Variants in ORC3 observed in about 807,000 individuals in gnomAD.
The protein encoded by ORC3 is origin recognition complex subunit 3.
A neutral mutation model predicts 100.7 loss-of-function variants in ORC3; 78 were observed. The observed-to-expected ratio is 0.77, with a 90% CI of 0.65 to 0.94. The LOEUF is 0.94. Among genes scored for constraint, ORC3 ranks in the 40% least tolerant of loss-of-function variants. The pLI, the probability that ORC3 is intolerant of heterozygous loss-of-function variation, is 0.00. For missense variants in ORC3, 789 were observed against 823.9 expected (o/e 0.96, Z 0.52); for synonymous variants, 295 against 289.3 (o/e 1.02, Z -0.20).
intron 10 of ORC3, 56 bp downstream of exon 10, chr6:87,621,543 A>G (rs1156610163): frequency 3.5e-6 from 4 of 1,156,726 alleles, no homozygotes; most frequent in African/African-American, 1.6e-5. Context: ...GTACTAAATA[A>G]GAGATCTCAG....
downstream of ORC3, among the ~76,000 whole-genome samples, chr6:87,671,943 C>T (rs1191711102): frequency 6.6e-6 from 1 of 152,140 alleles, no homozygotes; most frequent in Non-Finnish European, 1.5e-5. Flanking sequence ...CTTGCGAAAA[C>T]TTTAGACCTT....
At chr6:87,595,431 T>A (rs1340980913) in intron 2 of ORC3, 4 of 152,264 alleles carry the variant, frequency 2.6e-5, no homozygotes. Context: ...ATTTGTGTTA[T>A]TATGGATTGT....
At chr6:87,640,236 A>G (rs1328052790) in intron 13 of ORC3, among the ~76,000 whole-genome samples, 1 of 152,230 alleles carries the variant, frequency 6.6e-6, no homozygotes. Flanking sequence ...CTACTTGAAG[A>G]AATATCTGGT....
intron 2 of ORC3, among the ~76,000 whole-genome samples, chr6:87,599,354 A>ATTTAT (rs140590339): frequency 5.5e-5 from 8 of 145,166 alleles, no homozygotes; most frequent in South Asian, 2.2e-4. Context: ...TCTTTTTTTT[A>ATTTAT]TTATTTATTT....
intron 4 of ORC3, among the ~76,000 whole-genome samples, chr6:87,603,909 A>G (rs935818296): frequency 1.3e-5 from 2 of 152,160 alleles, no homozygotes; most frequent in African/African-American, 4.8e-5. Flanking sequence ...TCGTATCTTC[A>G]ATGGAATTAC....
At chr6:87,663,909 T>C (rs747117887) in intron 17 of ORC3, among the ~76,000 whole-genome samples, 9 of 152,130 alleles carry the variant, frequency 5.9e-5, no homozygotes, top group Non-Finnish European at 7.4e-5. Flanking sequence ...AGCATTCCAG[T>C]GTACTGGCTT....
rs1486340209 is a variant in ORC3, at chr6:87,636,469, A to G, written c.1365A>G (p.Ser455=). The change falls in exon 13 of 20, where the codon TCA becomes TCG. Residue 455 remains serine, a synonymous_variant. Coordinates refer to ENST00000392844, the MANE Select transcript of ORC3 (RefSeq NM_012381.4). The part of the protein sequence containing the change: ...KNIWDSEEYA[S]VLQLLRMLAK... Reference sequence around the variant, plus strand: ...TATGGGATTCAGAGGAGTATGCATCAGTCTTGCAGCTGCTGAGGTAGTTTT... The same window carrying G: ...TATGGGATTCAGAGGAGTATGCATCGGTCTTGCAGCTGCTGAGGTAGTTTT... 3.7e-6 allele frequency: 6 copies of G among 1,610,254 alleles called. No individual in the cohort carries two copies. In the East Asian group the frequency reaches 1.3e-4, roughly 36 times the overall value.
intron 12 of ORC3, 66 bp from the exon 13 acceptor site, chr6:87,636,341 G>T: frequency 1.1e-6 from 1 of 895,526 alleles, no homozygotes; most frequent in South Asian, 1.4e-5. Flanking sequence ...GACCAGAAAT[G>T]ATTTTTGCCA....
At chr6:87,597,907 A>G (rs1175719744) in intron 2 of ORC3, among the ~76,000 whole-genome samples, 1 of 152,132 alleles carries the variant, frequency 6.6e-6, no homozygotes, top group Non-Finnish European at 1.5e-5. Context: ...AGGTCAGAGA[A>G]AATTAAAGAC....
the ORC3 span, among the ~76,000 whole-genome samples, chr6:87,674,536 A>T: frequency 6.6e-6 from 1 of 151,244 alleles, no homozygotes; most frequent in East Asian, 1.9e-4. Flanking sequence ...AAAAGAAAAA[A>T]CTGGATCCTA....
chr6:87,599,011 G>A (rs2128245759), intron 2 of ORC3, among the ~76,000 whole-genome samples: 1 of 152,324 alleles, frequency 6.6e-6, no homozygotes, highest in East Asian at 1.9e-4. Flanking sequence ...GGCACTGTAG[G>A]AGATACCCAC....
intron 13 of ORC3, among the ~76,000 whole-genome samples, chr6:87,639,522 T>C (rs1038654498): frequency 1.1e-4 from 16 of 152,176 alleles, no homozygotes; most frequent in Non-Finnish European, 2.4e-4. Flanking sequence ...CTTCTGAGCC[T>C]GCAGCCTTCT....
chr6:87,592,531 A>G (rs764011828), intron 1 of ORC3, among the ~76,000 whole-genome samples: 2 of 152,180 alleles, frequency 1.3e-5, no homozygotes, highest in African/African-American at 2.4e-5. Flanking sequence ...CAGGAGGCTG[A>G]GGCAGGAGAA....
intron 2 of ORC3, among the ~76,000 whole-genome samples, chr6:87,595,992 C>T (rs114287150): frequency 0.01 from 1,554 of 149,628 alleles, 25 homozygotes; most frequent in African/African-American, 0.036. Context: ...TGCGCTACGA[C>T]GCCTGGCTAA....
chr6:87,596,178 G>A (rs1478501151), intron 2 of ORC3, among the ~76,000 whole-genome samples: 4 of 147,962 alleles, frequency 2.7e-5, no homozygotes, highest in African/African-American at 5.0e-5. Flanking sequence ...TTTTTGAGAC[G>A]GAGTCTAGCT....
At chr6:87,611,653 G>A (rs775056256) in intron 7 of ORC3, among the ~76,000 whole-genome samples, 6 of 151,956 alleles carry the variant, frequency 3.9e-5, no homozygotes, top group Non-Finnish European at 8.8e-5. Flanking sequence ...ATGGTGGCAC[G>A]CACATGTAGT....
intron 18 of ORC3, 141 bp from the exon 19 acceptor site, chr6:87,665,613 C>A: frequency 1.8e-6 from 1 of 564,304 alleles, no homozygotes. Flanking sequence ...TTAAAGTGAT[C>A]ATCAGTGTAG....
At chr6:87,658,315 G>T (rs530951375) in intron 16 of ORC3, among the ~76,000 whole-genome samples, 13 of 152,224 alleles carry the variant, frequency 8.5e-5, no homozygotes, top group Non-Finnish European at 1.8e-4. Flanking sequence ...AAATTAGCTG[G>T]GTGTGGTGGT....
the ORC3 span, among the ~76,000 whole-genome samples, chr6:87,674,357 A>G: frequency 6.6e-6 from 1 of 151,248 alleles, no homozygotes; most frequent in South Asian, 2.1e-4. Context: ...TCAGTTATAA[A>G]TGTGTATTTA....
Sources: allele counts gnomAD v4.1 joint callset (sites outside exome capture counted in the v4.1 genomes callset), GRCh38; gene constraint gnomAD v4.1.1; transcripts MANE v1.5; gene names NCBI Gene and HGNC (gene_info 2026-07-23, HGNC 2026-07-21).